ITGA11: variants seen among roughly 807,000 people sequenced by gnomAD.
ITGA11 encodes integrin subunit alpha 11, also known as integrin alpha-11.
ITGA11 carries 97 observed loss-of-function variants against 141.9 expected under a neutral mutation model. The observed-to-expected ratio is 0.68, with a 90% CI of 0.58 to 0.81. ITGA11 has a LOEUF of 0.81. Among genes scored for constraint, ITGA11 ranks in the 30% least tolerant of loss-of-function variants. The probability of loss-of-function intolerance (pLI) is 0.00; values close to 1 mark genes in which losing one functional copy is unlikely to be tolerated. For missense variants in ITGA11, 1,387 were observed against 1,559.2 expected (o/e 0.89, Z 1.86); for synonymous variants, 658 against 624.6 (o/e 1.05, Z -0.80).
intron 1 of ITGA11, among the ~76,000 whole-genome samples, chr15:68,406,861 G>A (rs564928409): frequency 2.0e-5 from 3 of 152,140 alleles, no homozygotes; most frequent in Admixed American, 1.3e-4. Context: ...GCATCTAACC[G>A]TGAGTTTTAC....
intron 7 of ITGA11, among the ~76,000 whole-genome samples, chr15:68,352,239 C>T (rs1379757068): frequency 1.3e-5 from 2 of 149,898 alleles, no homozygotes; most frequent in Admixed American, 1.3e-4. Flanking sequence ...GTTGCCCAGG[C>T]TGGAGTGCGG....
At chr15:68,415,055 T>G (rs750059232) in intron 1 of ITGA11, among the ~76,000 whole-genome samples, 1 of 152,220 alleles carries the variant, frequency 6.6e-6, no homozygotes, top group Non-Finnish European at 1.5e-5. Flanking sequence ...CTAGCTTCTC[T>G]GATCAACTCG....
chr15:68,309,261 TTGAC>T (rs1893301209), intron 26 of ITGA11, among the ~76,000 whole-genome samples: 1 of 152,214 alleles, frequency 6.6e-6, no homozygotes, highest in African/African-American at 2.4e-5. Flanking sequence ...ATTTTGCTTG[TTGAC>T]TTTCTGGAGG....
At position 68,326,607 on chromosome 15, in the gene ITGA11, T is replaced by G; in HGVS notation, c.2211+47A>C. 2 of 1,536,276 alleles carry G rather than the reference T, an allele frequency of 1.3e-6. No homozygotes were observed. Among genetic ancestry groups the G allele is most frequent in the South Asian group, 1.2e-5 (1 of 80,852 alleles). On this transcript the variant is annotated intron_variant, in intron 17 of 29. Transcript: ENST00000315757. This position sits in a 1 kb window ranked among gnomAD's most constrained non-coding sequence, Gnocchi z 6.8. Reference sequence around the variant, plus strand: ...TCTCTGCCTCTCCCACGGCAGATGCTCCTTCCTATAGGAGCTTGGGCTCTG... The same window carrying G: ...TCTCTGCCTCTCCCACGGCAGATGCGCCTTCCTATAGGAGCTTGGGCTCTG...
chr15:68,354,452 A>G (rs1327861223), intron 7 of ITGA11, among the ~76,000 whole-genome samples: 4 of 152,128 alleles, frequency 2.6e-5, no homozygotes, highest in Admixed American at 6.5e-5. Context: ...GTGGCCACCC[A>G]TGCTGGTTTT....
intron 11 of ITGA11, among the ~76,000 whole-genome samples, chr15:68,338,017 G>A (rs1197203883): frequency 3.3e-5 from 5 of 152,142 alleles, no homozygotes; most frequent in Admixed American, 1.3e-4. Context: ...CAACCACATC[G>A]TTTCTCTGAC....
At chr15:68,351,712 C>A (rs942261890) in intron 7 of ITGA11, among the ~76,000 whole-genome samples, 1 of 151,982 alleles carries the variant, frequency 6.6e-6, no homozygotes, top group East Asian at 1.9e-4. Context: ...AGTTCAGGGG[C>A]AAGTGGCAAC....
intron 1 of ITGA11, among the ~76,000 whole-genome samples, chr15:68,421,736 A>T (rs1484306133): frequency 2.0e-5 from 3 of 152,074 alleles, no homozygotes; most frequent in African/African-American, 4.8e-5. Flanking sequence ...TGGGTTTCAG[A>T]TGGGCTAGAA....
chr15:68,326,847 C>A lies in ITGA11; in HGVS notation c.2069-51G>T. 6.5e-7 allele frequency: 1 copy of A among 1,528,848 alleles called. No individual in the cohort carries two copies. Among genetic ancestry groups the A allele is most frequent in the South Asian group, 1.2e-5 (1 of 80,080 alleles). 94.7% of individuals were successfully genotyped at this position (1,528,848 alleles called of 1,614,324 possible). ...ACAAAGGTGGAGCCACATGCCCATC[C>A]AAGACTGTCTGCCTCCTCCAGGAAG... is the stretch of plus-strand genomic sequence containing the variant. On this transcript the variant is annotated intron_variant, in intron 16 of 29. Coordinates refer to ENST00000315757, the MANE Select transcript of ITGA11 (RefSeq NM_001004439.2). This position sits in a 1 kb window ranked among gnomAD's most constrained non-coding sequence, Gnocchi z 6.8.
chr15:68,340,384 A>T (rs1894528021), intron 10 of ITGA11, among the ~76,000 whole-genome samples: 1 of 152,184 alleles, frequency 6.6e-6, no homozygotes, highest in Non-Finnish European at 1.5e-5. Context: ...GAGAAAGAAG[A>T]GCTGGAGAAA....
intron 2 of ITGA11, among the ~76,000 whole-genome samples, chr15:68,373,163 G>A (rs967566): frequency 3.3e-5 from 5 of 152,036 alleles, no homozygotes; most frequent in African/African-American, 7.3e-5. Context: ...CCAGGAAGCC[G>A]TCGGTGATTA....
chr15:68,385,425 C>T (rs1318793032), intron 2 of ITGA11, among the ~76,000 whole-genome samples: 1 of 152,232 alleles, frequency 6.6e-6, no homozygotes, highest in Non-Finnish European at 1.5e-5. Flanking sequence ...GGCCTAGGCT[C>T]CACGGCTGGT....
chr15:68,402,739 C>T (rs548254451), intron 2 of ITGA11, among the ~76,000 whole-genome samples, 179 bp downstream of exon 2: 1 of 152,196 alleles, frequency 6.6e-6, no homozygotes, highest in Non-Finnish European at 1.5e-5. Context: ...AACATTCAAG[C>T]TTTCATAGTC....
At chr15:68,422,974 C>A (rs1253669903) in intron 1 of ITGA11, among the ~76,000 whole-genome samples, 4 of 152,224 alleles carry the variant, frequency 2.6e-5, no homozygotes, top group Non-Finnish European at 4.4e-5. Context: ...TTTTATCCCC[C>A]AGAGCATCTC....
At chr15:68,349,090 A>T (rs1488517462) in intron 9 of ITGA11, among the ~76,000 whole-genome samples, 190 bp from the exon 10 acceptor site, 1 of 152,198 alleles carries the variant, frequency 6.6e-6, no homozygotes, top group Non-Finnish European at 1.5e-5. Context: ...CACCCTGTGC[A>T]GTGGGGGGCA....
chr15:68,303,820 G>C lies in ITGA11; in HGVS notation c.3447C>G (p.Thr1149=), dbSNP rs1011265683. The C allele has an allele frequency of 3.1e-6, 5 of 1,613,230 alleles. No individual in the cohort carries two copies. Among genetic ancestry groups the C allele is most frequent in the Non-Finnish European group, 4.2e-6 (5 of 1,179,464 alleles). The stretch of plus-strand genomic sequence containing the variant: ...GGGCCAGCAGTAGGAGGCCCCCCAG[G>C]GTGCTGCCTACAATGATCCAGATGG... ...QVPIWIIVGS[T]LGGLLLLALL... The change falls in exon 29 of 30, where the codon ACC becomes ACG. Residue 1149 remains threonine (T), a synonymous_variant. Coordinates refer to ENST00000315757, the MANE Select transcript of ITGA11 (RefSeq NM_001004439.2). The surrounding 1 kb of genome is among the most constrained non-coding windows in gnomAD (Gnocchi z 5.3).
At chr15:68,412,863 A>G (rs1896807502) in intron 1 of ITGA11, among the ~76,000 whole-genome samples, 1 of 151,784 alleles carries the variant, frequency 6.6e-6, no homozygotes. Context: ...TTTAGTAGAG[A>G]CAGGGTTTCA....
At chr15:68,312,946 G>T in intron 23 of ITGA11, 83 bp from the exon 24 acceptor site, 1 of 1,019,392 alleles carries the variant, frequency 9.8e-7, no homozygotes, top group Non-Finnish European at 1.5e-6. Context: ...GAGAGGGCAT[G>T]TGCCGGCCTC....
At chr15:68,371,185 G>T (rs1895577988) in intron 2 of ITGA11, among the ~76,000 whole-genome samples, 1 of 152,180 alleles carries the variant, frequency 6.6e-6, no homozygotes, top group Non-Finnish European at 1.5e-5. Flanking sequence ...GTGTGGTCAA[G>T]GCTGCTCCAT....
Sources: allele counts gnomAD v4.1 joint callset (sites outside exome capture counted in the v4.1 genomes callset), GRCh38; gene constraint gnomAD v4.1.1; non-coding constraint Gnocchi (gnomAD v3.1); transcripts MANE v1.5; gene names NCBI Gene and HGNC (gene_info 2026-07-23, HGNC 2026-07-21).